The following HTR2C variants were observed in gnomAD, a reference collection of about 807,000 sequenced individuals.
HTR2C encodes the protein 5-hydroxytryptamine (serotonin) receptor 2C, G protein-coupled.
A neutral mutation model predicts 21.0 loss-of-function variants in HTR2C; 5 were observed. The observed-to-expected ratio is 0.24, with a 90% CI of 0.12 to 0.50. HTR2C has a LOEUF of 0.50. HTR2C is among the 20% of genes least tolerant of loss of function. The pLI, the probability that HTR2C is intolerant of heterozygous loss-of-function variation, is 0.98. For synonymous variants in HTR2C, 150 were observed against 145.3 expected (o/e 1.03, Z -0.23); for missense variants, 271 against 371.2 (o/e 0.73, Z 2.22).
chrX:114,628,405 ATTTTTTTTTTTT>A (rs35975864), intron 2 of HTR2C, among the ~76,000 whole-genome samples: 11 of 43,910 alleles, frequency 2.5e-4, no homozygotes, highest in African/African-American at 9.3e-5. Context: ...TGCCAGGCTA[ATTTTTTTTTTTT>A]TTTTTTTTTT....
At chrX:114,630,940 ACCTGCCT>A in intron 2 of HTR2C, 2 of 313,079 alleles carry the variant, frequency 6.4e-6, no homozygotes, top group Admixed American at 2.9e-5. Flanking sequence ...GGGTCCTATG[ACCTGCCT>A]AAAAAAAGTG....
intron 4 of HTR2C, among the ~76,000 whole-genome samples, chrX:114,844,611 A>G (rs1351602772): frequency 1.8e-5 from 2 of 112,159 alleles, no homozygotes; most frequent in African/African-American, 6.5e-5. Context: ...TATGCTTTCA[A>G]TAAGAGACTC....
chrX:114,816,190 A>T (rs1314073333), intron 4 of HTR2C, among the ~76,000 whole-genome samples: 5 of 110,691 alleles, frequency 4.5e-5, no homozygotes, highest in Non-Finnish European at 9.5e-5. Context: ...AATGAAATAT[A>T]ATACGAATTG....
intron 4 of HTR2C, among the ~76,000 whole-genome samples, chrX:114,795,221 GTTGT>G (rs1177062814): frequency 9.0e-6 from 1 of 111,418 alleles, no homozygotes; most frequent in Non-Finnish European, 1.9e-5. Flanking sequence ...TTTTGATGGG[GTTGT>G]TTGTTTTTTT....
intron 4 of HTR2C, among the ~76,000 whole-genome samples, chrX:114,800,429 TTTCTCAAGCC>T (rs1253525853): frequency 2.7e-5 from 3 of 111,214 alleles, no homozygotes; most frequent in African/African-American, 9.8e-5. Flanking sequence ...TTTTATACAT[TTTCTCAAGCC>T]TTCTCAAATC....
chrX:114,864,588 A>G (rs1002884181), intron 5 of HTR2C, among the ~76,000 whole-genome samples: 30 of 111,218 alleles, frequency 2.7e-4, no homozygotes, highest in Admixed American at 2.7e-3. Context: ...GGATTTGACT[A>G]TTTACCTCTA....
intron 4 of HTR2C, among the ~76,000 whole-genome samples, chrX:114,785,306 T>C (rs1267554070): frequency 2.7e-5 from 3 of 111,471 alleles, no homozygotes; most frequent in African/African-American, 6.5e-5. Flanking sequence ...ACCTTGATAT[T>C]AGTGAGAAAA....
Position 114,812,745 on chromosome X carries a change from CAAACAAACAAA to C in HTR2C, c.350-35254_350-35244del, listed in dbSNP as rs1311394874. On this transcript the variant is annotated intron_variant, in intron 4 of 5. Coordinates refer to ENST00000276198, the MANE Select transcript of HTR2C (RefSeq NM_000868.4). The stretch of plus-strand genomic sequence containing the variant: ...CTCCATCCCAAAAGAAACAAACAAA[CAAACAAACAAA>C]AAAAAAAACAAAAAAACAAGGCTAT... Among the ~76,000 whole-genome samples the C allele has an allele frequency of 1.3e-3, 30 of 23,169 alleles. No homozygotes were observed. In the Admixed American group the frequency reaches 0.02, roughly 15 times the overall value. 20.1% of individuals were successfully genotyped at this position (23,169 alleles called of 115,157 possible).
chrX:114,775,329 A>G (rs1556438418), intron 4 of HTR2C: 5 of 530,966 alleles, frequency 9.4e-6, no homozygotes, highest in East Asian at 3.5e-5. Flanking sequence ...ATTGGCATCA[A>G]TGTCAAAAGT....
At chrX:114,819,646 G>A (rs2070614430) in intron 4 of HTR2C, among the ~76,000 whole-genome samples, 1 of 112,593 alleles carries the variant, frequency 8.9e-6, no homozygotes, top group Non-Finnish European at 1.9e-5. Flanking sequence ...CACAATCTCC[G>A]TAAGCCAGCC....
At chrX:114,791,756 T>G (rs1556443686) in intron 4 of HTR2C, among the ~76,000 whole-genome samples, 3 of 110,523 alleles carry the variant, frequency 2.7e-5, no homozygotes, top group Non-Finnish European at 5.7e-5. Flanking sequence ...CCACAGACAA[T>G]AAACACACAG....
intron 1 of HTR2C, among the ~76,000 whole-genome samples, chrX:114,599,756 A>G (rs1204247409): frequency 8.9e-6 from 1 of 112,521 alleles, no homozygotes; most frequent in African/African-American, 3.2e-5. Context: ...AAACATTCAC[A>G]TATGTTACAA....
At chrX:114,592,303 A>T (rs1556391336) in intron 1 of HTR2C, among the ~76,000 whole-genome samples, 1 of 112,491 alleles carries the variant, frequency 8.9e-6, no homozygotes, top group African/African-American at 3.2e-5. Flanking sequence ...AAACATTTGA[A>T]TGCTGAGAAG....
intron 4 of HTR2C, chrX:114,775,867 C>A: frequency 2.6e-6 from 1 of 378,709 alleles, no homozygotes; most frequent in South Asian, 3.7e-5. Context: ...GGTCAGCATT[C>A]AGTTCTTTAA....
chrX:114,591,471 A>G (rs1362792065), intron 1 of HTR2C, among the ~76,000 whole-genome samples: 1 of 111,752 alleles, frequency 8.9e-6, no homozygotes, highest in African/African-American at 3.2e-5. Flanking sequence ...CATTGATACA[A>G]TGACTTGCTC....
At chrX:114,779,248 C>A (rs782086165) in intron 4 of HTR2C, among the ~76,000 whole-genome samples, 98 of 111,295 alleles carry the variant, frequency 8.8e-4, no homozygotes, top group African/African-American at 2.8e-3. Flanking sequence ...TTCATAATAT[C>A]TTTTGAATAT....
intron 4 of HTR2C, among the ~76,000 whole-genome samples, chrX:114,742,118 T>G (rs1296745309): frequency 9.0e-6 from 1 of 111,570 alleles, no homozygotes; most frequent in Non-Finnish European, 1.9e-5. Flanking sequence ...TTTGATAGTA[T>G]GAGCACTAAA....
At chrX:114,830,320 C>T (rs1281385318) in intron 4 of HTR2C, among the ~76,000 whole-genome samples, 1 of 111,610 alleles carries the variant, frequency 9.0e-6, no homozygotes, top group Admixed American at 9.6e-5. Context: ...ACATCCACTA[C>T]ACAGTTTGAA....
At chrX:114,696,723 T>C (rs1175621015) in intron 2 of HTR2C, among the ~76,000 whole-genome samples, 3 of 110,513 alleles carry the variant, frequency 2.7e-5, no homozygotes, top group Non-Finnish European at 5.7e-5. Context: ...GGGAAAAGAA[T>C]TTGATAATCT....
Sources: gnomAD v4.1 joint callset for allele counts (sites outside exome capture counted in the v4.1 genomes callset) on GRCh38, gnomAD v4.1.1 for gene constraint, MANE v1.5 for transcripts, NCBI Gene and HGNC (gene_info 2026-07-23, HGNC 2026-07-21) for gene names.